Variants in NPTN observed in about 807,000 individuals in gnomAD.
NPTN encodes SDR-1.
NPTN carries 5 observed loss-of-function variants against 42.7 expected under a neutral mutation model. The ratio of observed to expected loss-of-function variants is 0.12; its 90% CI spans 0.06 to 0.25. The LOEUF (loss-of-function observed/expected upper bound fraction) is 0.25. Ranked by LOEUF, NPTN falls within the 10% of genes least tolerant of loss-of-function variation. NPTN has a pLI of 1.00. For missense variants in NPTN, 307 were observed against 525.4 expected (o/e 0.58, Z 4.06); for synonymous variants, 180 against 201.9 (o/e 0.89, Z 0.92).
chr15:73,563,224 T>C lies in NPTN; in HGVS notation c.1136+12A>G, dbSNP rs776411008. ...CAGATACTGTTGAATCAATGTCCAATAAAGTACTTACATTGGTCCAGCTGG... is the reference window on the plus strand; with the variant it reads ...CAGATACTGTTGAATCAATGTCCAACAAAGTACTTACATTGGTCCAGCTGG... On this transcript the variant is annotated intron_variant, in intron 7 of 8. Coordinates refer to ENST00000345330, the MANE Select transcript of NPTN (RefSeq NM_012428.4). The C allele has an allele frequency of 3.9e-6, 6 of 1,543,002 alleles. No individual in the cohort carries two copies. Among genetic ancestry groups the C allele is most frequent in the Non-Finnish European group, 5.4e-6 (6 of 1,115,498 alleles).
chr15:73,568,193 A>G (rs183704979), intron 6 of NPTN: 344 of 985,490 alleles, frequency 3.5e-4, no homozygotes, highest in Admixed American at 1.7e-3. Flanking sequence ...AACCTACCAC[A>G]TGCACTGTGA....
At chr15:73,580,907 C>T (rs1241308925) in intron 4 of NPTN, among the ~76,000 whole-genome samples, 4 of 152,022 alleles carry the variant, frequency 2.6e-5, no homozygotes, top group Non-Finnish European at 5.9e-5. Context: ...CAGGGCAGAT[C>T]ACGTCAAATA....
intron 2 of NPTN, among the ~76,000 whole-genome samples, chr15:73,596,710 C>T (rs1408340093): frequency 6.6e-6 from 1 of 152,108 alleles, no homozygotes; most frequent in Non-Finnish European, 1.5e-5. Context: ...GTTCTCCCTC[C>T]CCAACTCTTC....
intron 4 of NPTN, among the ~76,000 whole-genome samples, chr15:73,582,077 G>C (rs909133228): frequency 1.3e-5 from 2 of 152,142 alleles, no homozygotes; most frequent in Non-Finnish European, 2.9e-5. Flanking sequence ...CCGACCTTGT[G>C]ATCTGCCCGT....
chr15:73,598,918 A>C (rs1292493253), intron 1 of NPTN, among the ~76,000 whole-genome samples: 1 of 152,236 alleles, frequency 6.6e-6, no homozygotes, highest in South Asian at 2.1e-4. Flanking sequence ...CCATGGACTA[A>C]GAACATTAAT....
At chr15:73,582,652 CAAAATT>C (rs1896109784) in intron 4 of NPTN, among the ~76,000 whole-genome samples, 1 of 152,156 alleles carries the variant, frequency 6.6e-6, no homozygotes, top group South Asian at 2.1e-4. Context: ...TGAATTAAAT[CAAAATT>C]GAGAACCACT....
chr15:73,597,131 G>A lies in NPTN; in HGVS notation c.330C>T (p.Asp110=). The change falls in exon 2 of 9, where the codon GAC becomes GAT. Residue 110 remains aspartate (D), a synonymous_variant. Transcript: ENST00000345330. The surrounding 1 kb of genome is among the most constrained non-coding windows in gnomAD (Gnocchi z 6.3). ...VLRITRLTLE[D]SGTYECRASN... ...TGGCCCTGCACTCGTAAGTCCCAGAGTCCTCCAAGGTGAGCCGGGTTATTC... is the reference window on the plus strand; with the variant it reads ...TGGCCCTGCACTCGTAAGTCCCAGAATCCTCCAAGGTGAGCCGGGTTATTC... 4 of 1,614,188 alleles carry A rather than the reference G, an allele frequency of 2.5e-6. No individual in the cohort carries two copies. Among genetic ancestry groups the A allele is most frequent in the Middle Eastern group, 3.3e-4 (2 of 6,062 alleles).
intron 1 of NPTN, among the ~76,000 whole-genome samples, chr15:73,617,986 A>T (rs1481147201): frequency 9.2e-5 from 14 of 152,200 alleles, no homozygotes; most frequent in Non-Finnish European, 1.6e-4. Context: ...TGAATTTTTA[A>T]TGTCTACTTG....
chr15:73,568,681 C>T, intron 6 of NPTN: 1 of 985,456 alleles, frequency 1.0e-6, no homozygotes, highest in Non-Finnish European at 1.2e-6. Flanking sequence ...GGGGACACTC[C>T]CAGGTTGCAG....
intron 3 of NPTN, 132 bp downstream of exon 3, chr15:73,591,834 G>T: frequency 1.3e-6 from 1 of 785,794 alleles, no homozygotes; most frequent in Non-Finnish European, 2.0e-6. Flanking sequence ...CTGAGATACT[G>T]GATTGGACTC....
chr15:73,613,925 A>G (rs1407806475), intron 1 of NPTN, among the ~76,000 whole-genome samples: 1 of 152,098 alleles, frequency 6.6e-6, no homozygotes, highest in Non-Finnish European at 1.5e-5. Context: ...ACCTTGAGTG[A>G]TCTGCCTGCC....
At chr15:73,621,066 C>A (rs1898117673) in intron 1 of NPTN, among the ~76,000 whole-genome samples, 2 of 151,950 alleles carry the variant, frequency 1.3e-5, no homozygotes, top group South Asian at 2.1e-4. Flanking sequence ...TAAAAGGGAG[C>A]TACAAAAATT....
intron 1 of NPTN, among the ~76,000 whole-genome samples, chr15:73,621,887 T>C (rs1252762307): frequency 6.6e-6 from 1 of 152,302 alleles, no homozygotes; most frequent in East Asian, 1.9e-4. Context: ...CTCTTATTCT[T>C]ATAGGCACCA....
At position 73,591,953 on chromosome 15, in the gene NPTN, C is replaced by T; in HGVS notation, c.611+13G>A. ...TCCCTCCCACCTTCCCAGGAGCTGC[C>T]CACCACTCTCACCTGTACTCCATGT... On this transcript the variant is annotated intron_variant, in intron 3 of 8. Coordinates refer to ENST00000345330, the MANE Select transcript of NPTN (RefSeq NM_012428.4). 6.2e-7 allele frequency: 1 copy of T among 1,601,968 alleles called. No homozygotes were observed. The highest frequency in any genetic ancestry group is 1.1e-5 in the South Asian group (1 of 89,508).
intron 4 of NPTN, among the ~76,000 whole-genome samples, chr15:73,579,949 G>A (rs1219266309): frequency 6.6e-6 from 1 of 152,164 alleles, no homozygotes; most frequent in African/African-American, 2.4e-5. Context: ...GGAAAACTGT[G>A]AGGTGGTAAG....
chr15:73,589,547 GATAA>G (rs1302584514), intron 3 of NPTN, among the ~76,000 whole-genome samples: 1 of 152,092 alleles, frequency 6.6e-6, no homozygotes, highest in Non-Finnish European at 1.5e-5. Flanking sequence ...CAGATGAGAG[GATAA>G]ATAGTTATAT....
At chr15:73,600,907 G>C (rs561926762) in intron 1 of NPTN, among the ~76,000 whole-genome samples, 107 of 152,330 alleles carry the variant, frequency 7.0e-4, no homozygotes, top group Non-Finnish European at 1.0e-3. Context: ...CTCTAGTTCT[G>C]ATGATTCCAA....
At chr15:73,599,804 T>C (rs1291422169) in intron 1 of NPTN, among the ~76,000 whole-genome samples, 2 of 152,188 alleles carry the variant, frequency 1.3e-5, no homozygotes, top group African/African-American at 4.8e-5. Context: ...TAATCACAAA[T>C]GGTCTTATCA....
intron 4 of NPTN, among the ~76,000 whole-genome samples, chr15:73,574,968 G>A (rs984663911): frequency 1.3e-5 from 2 of 151,970 alleles, no homozygotes; most frequent in African/African-American, 2.4e-5. Flanking sequence ...TATATTACCC[G>A]CCAATGCTTC....
Sources: allele counts gnomAD v4.1 joint callset (sites outside exome capture counted in the v4.1 genomes callset), GRCh38; gene constraint gnomAD v4.1.1; non-coding constraint Gnocchi (gnomAD v3.1); transcripts MANE v1.5; gene names NCBI Gene and HGNC (gene_info 2026-07-23, HGNC 2026-07-21).